TACR1: variants seen among roughly 807,000 people sequenced by gnomAD.
TACR1 encodes the protein tachykinin receptor 1, also known as substance-P receptor.
In TACR1, 25 loss-of-function variants were observed where a neutral mutation model predicts 35.8. That is an observed-to-expected ratio of 0.70 (90% CI 0.51 to 0.98). TACR1 has a LOEUF of 0.98. TACR1 is among the 50% of genes least tolerant of loss of function. The pLI is 0.00. For missense variants in TACR1, 478 were observed against 522.9 expected (o/e 0.91, Z 0.84); for synonymous variants, 195 against 206.7 (o/e 0.94, Z 0.48).
chr2:75,051,387 T>G lies in TACR1; in HGVS notation c.796A>C (p.Ile266Leu), dbSNP rs146827057. The change falls in exon 4 of 5, where the codon ATC (isoleucine) becomes CTC (leucine). Residue 266 changes from isoleucine (I) to leucine (L), a missense_variant. Ile to Leu is a conservative substitution (Grantham distance 5, BLOSUM62 2). Coordinates refer to ENST00000305249, the MANE Select transcript of TACR1 (RefSeq NM_001058.4). Reference sequence around the variant, plus strand: ...TTGATGTAGGGCAGGAGGAAGAAGATGTGGAAGGGCAGCCAGCAGATGGCG... The same window carrying G: ...TTGATGTAGGGCAGGAGGAAGAAGAGGTGGAAGGGCAGCCAGCAGATGGCG... ...TFAICWLPFH[I>L]FFLLPYINPD... The G allele has an allele frequency of 1.1e-4, 174 of 1,614,032 alleles. No homozygotes were observed. Among genetic ancestry groups the G allele is most frequent in the Non-Finnish European group, 1.4e-4 (169 of 1,180,022 alleles).
intron 2 of TACR1, among the ~76,000 whole-genome samples, chr2:75,066,375 TAAG>T (rs1672762444): frequency 2.0e-5 from 3 of 152,314 alleles, no homozygotes; most frequent in South Asian, 2.1e-4. Context: ...TCAGATGAGC[TAAG>T]AAGAAGAATG....
intron 2 of TACR1, among the ~76,000 whole-genome samples, chr2:75,113,860 A>G (rs569235555): frequency 6.6e-6 from 1 of 152,276 alleles, no homozygotes; most frequent in South Asian, 2.1e-4. Context: ...TTGTAAAATA[A>G]TCAAGAAGAC....
At chr2:75,101,834 A>G (rs1017217780) in intron 2 of TACR1, among the ~76,000 whole-genome samples, 1 of 152,030 alleles carries the variant, frequency 6.6e-6, no homozygotes, top group East Asian at 1.9e-4. Flanking sequence ...TGTAGTTCCA[A>G]CTACTCAGGA....
At chr2:75,164,261 A>G (rs909401833) in intron 1 of TACR1, among the ~76,000 whole-genome samples, 12 of 151,544 alleles carry the variant, frequency 7.9e-5, no homozygotes, top group Non-Finnish European at 1.6e-4. Flanking sequence ...CAGGAGGCAG[A>G]GCTTGCAGTG....
intron 2 of TACR1, 98 bp from the exon 3 acceptor site, chr2:75,053,853 C>G: frequency 6.7e-7 from 1 of 1,491,652 alleles, no homozygotes; most frequent in South Asian, 1.2e-5. Flanking sequence ...TGGCAGCTAC[C>G]TTTCTCAGCA....
At chr2:75,138,610 G>A (rs1018487881) in intron 1 of TACR1, among the ~76,000 whole-genome samples, 5 of 152,122 alleles carry the variant, frequency 3.3e-5, no homozygotes, top group Admixed American at 3.3e-4. Context: ...TTTGGACTGT[G>A]GTATGTTATT....
chr2:75,071,099 G>C (rs73935520), intron 2 of TACR1, among the ~76,000 whole-genome samples: 1 of 152,148 alleles, frequency 6.6e-6, no homozygotes, highest in African/African-American at 2.4e-5. Flanking sequence ...GGCTGTTTTC[G>C]TGCTCTGGTG....
At chr2:75,097,356 C>T (rs760567228) in intron 2 of TACR1, among the ~76,000 whole-genome samples, 1 of 149,384 alleles carries the variant, frequency 6.7e-6, no homozygotes, top group Non-Finnish European at 1.5e-5. Flanking sequence ...TCTGGGTTTT[C>T]AGCAACACCA....
chr2:75,120,709 A>G lies in TACR1; in HGVS notation c.449T>C (p.Val150Ala), dbSNP rs1057106168. The change falls in exon 2 of 5, where the codon GTC becomes GCC. Residue 150 changes from valine to alanine, a missense_variant. Physicochemically the swap from Val to Ala is moderately conservative, Grantham distance 64 (BLOSUM62 0). Transcript: ENST00000305249. ...AGCCAGGACCCAGATGACACAGATGACCACTTTGGTGGCTGTGGCTGACAG... is the reference window on the plus strand; with the variant it reads ...AGCCAGGACCCAGATGACACAGATGGCCACTTTGGTGGCTGTGGCTGACAG... ...PRLSATATKV[V>A]ICVIWVLALL... 1.2e-6 allele frequency: 2 copies of G among 1,613,784 alleles called. No individual in the cohort carries two copies. Among genetic ancestry groups the G allele is most frequent in the Non-Finnish European group, 1.7e-6 (2 of 1,179,978 alleles).
In TACR1 at chr2:75,158,861, G is replaced by T. The variant is rs146378399; in HGVS notation, c.390-38093C>A. On this transcript the variant is annotated intron_variant, in intron 1 of 4. Coordinates refer to ENST00000305249, the MANE Select transcript of TACR1 (RefSeq NM_001058.4). The stretch of plus-strand genomic sequence containing the variant: ...CAAACGGTCCCATGTCCCAGGCCTG[G>T]CTCTGCCACCAACCAGCTGTGCAGC... Among the ~76,000 whole-genome samples, 350 of 152,268 alleles carry T rather than the reference G, an allele frequency of 2.3e-3. 2 individuals carry two copies. Among genetic ancestry groups the T allele is most frequent in the African/African-American group, 8.1e-3 (336 of 41,558 alleles).
chr2:75,182,728 T>C (rs1387281632), intron 1 of TACR1, among the ~76,000 whole-genome samples: 1 of 152,188 alleles, frequency 6.6e-6, no homozygotes, highest in African/African-American at 2.4e-5. Context: ...AGTAACAGGG[T>C]ATTCTATATA....
intron 1 of TACR1, among the ~76,000 whole-genome samples, chr2:75,195,079 T>A (rs1675933569): frequency 6.6e-6 from 1 of 152,326 alleles, no homozygotes; most frequent in East Asian, 1.9e-4. Flanking sequence ...CACCTCTCTG[T>A]GTCCCCCATC....
Position 75,146,221 on chromosome 2 carries a change from C to T in TACR1, c.390-25453G>A, listed in dbSNP as rs143030122. On this transcript the variant is annotated intron_variant, in intron 1 of 4. Coordinates refer to ENST00000305249, the MANE Select transcript of TACR1 (RefSeq NM_001058.4). Reference sequence around the variant, plus strand: ...CACTGCAACCTCCACGTCCCAGGTTCAAGCAATTCTCCCATCTCAGCCTCT... The same window carrying T: ...CACTGCAACCTCCACGTCCCAGGTTTAAGCAATTCTCCCATCTCAGCCTCT... Among the ~76,000 whole-genome samples, 802 of 152,284 alleles carry T rather than the reference C, an allele frequency of 5.3e-3. 2 individuals are homozygous for T. The highest frequency in any genetic ancestry group is 9.2e-3 in the Non-Finnish European group (625 of 68,028).
chr2:75,081,137 AAGAAG>A (rs1168404922), intron 2 of TACR1, among the ~76,000 whole-genome samples: 1 of 152,206 alleles, frequency 6.6e-6, no homozygotes, highest in African/African-American at 2.4e-5. Flanking sequence ...AGGAATACAA[AAGAAG>A]AGCCAGGCCT....
intron 2 of TACR1, among the ~76,000 whole-genome samples, chr2:75,082,689 T>G (rs1673113431): frequency 6.6e-6 from 1 of 152,248 alleles, no homozygotes; most frequent in Admixed American, 6.5e-5. Context: ...TGGTGAGCAT[T>G]TTTTCATGTG....
intron 2 of TACR1, among the ~76,000 whole-genome samples, chr2:75,058,689 G>A (rs116631343): frequency 2.8e-3 from 422 of 152,346 alleles, no homozygotes; most frequent in African/African-American, 9.4e-3. Context: ...TCATGCCTTT[G>A]TTCATCCCTG....
chr2:75,102,583 G>T (rs898577739), intron 2 of TACR1, among the ~76,000 whole-genome samples: 10 of 152,016 alleles, frequency 6.6e-5, no homozygotes, highest in South Asian at 2.1e-4. Flanking sequence ...AAGTATCTTG[G>T]GGGGTACATA....
rs71245356 is a variant in TACR1 at position 75,154,488 on chromosome 2, CCACACACA to C, written c.390-33728_390-33721del. ...CCAGTGGAGATTCAGCACTAACCCA[CCACACACA>C]CACACACACACACACACACACACAC... On this transcript the variant is annotated intron_variant, in intron 1 of 4. Coordinates refer to ENST00000305249, the MANE Select transcript of TACR1 (RefSeq NM_001058.4). 3.5e-4 allele frequency: 19 copies of C among 53,554 alleles called. 1 individual carries two copies. Among genetic ancestry groups the C allele is most frequent in the African/African-American group, 7.4e-4 (10 of 13,492 alleles). 3.3% of individuals were successfully genotyped at this position (53,554 alleles called of 1,614,324 possible). A position where few individuals can be genotyped will look rare whatever the true frequency, so the allele number is the denominator to read the frequency against.
chr2:75,176,035 A>G (rs1158071293), intron 1 of TACR1, among the ~76,000 whole-genome samples: 8 of 144,570 alleles, frequency 5.5e-5, no homozygotes, highest in Non-Finnish European at 1.2e-4. Flanking sequence ...AAAAAAAAGG[A>G]AACAGAAAAA....
Sources: gnomAD v4.1 joint callset for allele counts (sites outside exome capture counted in the v4.1 genomes callset) on GRCh38, gnomAD v4.1.1 for gene constraint, MANE v1.5 for transcripts, NCBI Gene and HGNC (gene_info 2026-07-23, HGNC 2026-07-21) for gene names.